CSMD3: variants seen among roughly 807,000 people sequenced by gnomAD.
CSMD3 encodes the protein CUB and sushi domain-containing protein 3.
In CSMD3, 177 loss-of-function variants were observed where a neutral mutation model predicts 435.2. The observed-to-expected ratio is 0.41, with a 90% CI of 0.36 to 0.46. CSMD3 has a LOEUF of 0.46. CSMD3 is among the 20% of genes least tolerant of loss of function. The pLI, the probability that CSMD3 is intolerant of heterozygous loss-of-function variation, is 0.34. For synonymous variants in CSMD3, 1,656 were observed against 1,520.5 expected (o/e 1.09, Z -2.07); for missense variants, 4,265 against 4,504.6 (o/e 0.95, Z 1.52).
chr8:112,265,246 T>C (rs1197200733), intron 60 of CSMD3, among the ~76,000 whole-genome samples, 165 bp downstream of exon 60: 1 of 151,894 alleles, frequency 6.6e-6, no homozygotes, highest in African/African-American at 2.4e-5. Flanking sequence ...TTAAATTCTA[T>C]ATATTAAAAT....
chr8:112,261,335 A>C (rs1229332377), intron 61 of CSMD3, among the ~76,000 whole-genome samples: 4 of 152,126 alleles, frequency 2.6e-5, no homozygotes, highest in Non-Finnish European at 5.9e-5. Flanking sequence ...AAATTATAAA[A>C]TGACTATCCA....
chr8:113,279,859 T>C (rs1481149401), intron 2 of CSMD3, among the ~76,000 whole-genome samples: 1 of 151,766 alleles, frequency 6.6e-6, no homozygotes, highest in Admixed American at 6.6e-5. Context: ...TTATTAAACA[T>C]CTTTTTCTCC....
At chr8:112,604,223 G>T (rs1381744790) in intron 22 of CSMD3, among the ~76,000 whole-genome samples, 1 of 152,136 alleles carries the variant, frequency 6.6e-6, no homozygotes, top group Non-Finnish European at 1.5e-5. Flanking sequence ...AGAACTGTTT[G>T]CAGTAGAGTT....
At chr8:112,297,121 T>C (rs1324808423) in intron 53 of CSMD3, among the ~76,000 whole-genome samples, 1 of 151,186 alleles carries the variant, frequency 6.6e-6, no homozygotes, top group Non-Finnish European at 1.5e-5. Flanking sequence ...ATTTTTTTTT[T>C]TGGCTGGGAA....
At chr8:113,258,631 A>G (rs557924054) in intron 3 of CSMD3, among the ~76,000 whole-genome samples, 6 of 152,210 alleles carry the variant, frequency 3.9e-5, no homozygotes, top group African/African-American at 9.6e-5. Flanking sequence ...TTGGACTGGG[A>G]AGAAAAAGTT....
intron 61 of CSMD3, among the ~76,000 whole-genome samples, chr8:112,257,136 A>T (rs939658579): frequency 2.6e-5 from 4 of 152,150 alleles, no homozygotes; most frequent in African/African-American, 9.7e-5. Context: ...TTTATAACAA[A>T]CCCACAGCCA....
chr8:113,077,380 T>G (rs903063545), intron 5 of CSMD3, among the ~76,000 whole-genome samples: 4 of 151,704 alleles, frequency 2.6e-5, no homozygotes, highest in Non-Finnish European at 5.9e-5. Flanking sequence ...AAAACAGTTA[T>G]AAAAAAACCA....
chr8:112,815,591 GC>G (rs1169669074), intron 12 of CSMD3, among the ~76,000 whole-genome samples: 3 of 151,980 alleles, frequency 2.0e-5, no homozygotes, highest in African/African-American at 7.2e-5. Flanking sequence ...TTCTTCTACA[GC>G]CACCTTTGAA....
intron 4 of CSMD3, among the ~76,000 whole-genome samples, chr8:113,139,495 T>C (rs780660011): frequency 6.6e-6 from 1 of 150,934 alleles, no homozygotes; most frequent in African/African-American, 2.4e-5. Flanking sequence ...ATATATAATA[T>C]ATGTTTTTAT....
intron 32 of CSMD3, among the ~76,000 whole-genome samples, chr8:112,440,681 A>G (rs571544251): frequency 2.4e-4 from 37 of 152,278 alleles, no homozygotes; most frequent in Non-Finnish European, 4.1e-4. Context: ...CCAAACCTCA[A>G]TTCTTGATTT....
chr8:112,833,320 T>A (rs115818957), intron 11 of CSMD3, among the ~76,000 whole-genome samples: 1,706 of 152,086 alleles, frequency 0.011, 31 homozygotes, highest in African/African-American at 0.038. Context: ...GATCTCTAAA[T>A]ATATTTTAAT....
intron 27 of CSMD3, among the ~76,000 whole-genome samples, chr8:112,531,024 C>T (rs184312664): frequency 5.6e-4 from 85 of 152,086 alleles, no homozygotes; most frequent in African/African-American, 1.8e-3. Context: ...ACATCAGCTG[C>T]GGGGGCCACA....
At chr8:112,271,819 G>T (rs1439655217) in intron 59 of CSMD3, among the ~76,000 whole-genome samples, 1 of 152,018 alleles carries the variant, frequency 6.6e-6, no homozygotes, top group African/African-American at 2.4e-5. Context: ...AAAGAATAAA[G>T]GCTTTGTTTC....
At chr8:112,986,500 G>C (rs528991687) in intron 6 of CSMD3, among the ~76,000 whole-genome samples, 2 of 152,056 alleles carry the variant, frequency 1.3e-5, no homozygotes, top group African/African-American at 2.4e-5. Context: ...CGGAAAGAAG[G>C]CAAGTTGAAT....
chr8:112,685,621 C>T lies in CSMD3; in HGVS notation c.2267G>A (p.Gly756Glu). The T allele has an allele frequency of 1.9e-6, 3 of 1,613,600 alleles. No homozygotes were observed. The highest frequency in any genetic ancestry group is 2.5e-6 in the Non-Finnish European group (3 of 1,179,596). Residue 756 changes from glycine (G) to glutamate (E), a missense_variant, in exon 15 of 71, where the codon GGG (glycine) becomes GAG (glutamate). Physicochemically the swap from Gly to Glu is moderately conservative, Grantham distance 98. Around this residue, in one of 3 missense-constraint regions of CSMD3, gnomAD observed 279 missense variants for 369.0 expected, o/e 0.76. Transcript: ENST00000297405. ...ATTGAAAGAAAGATGTATCCGGCTCCCTGGATCAGAGATTATCGTCCAGAT... is the reference window on the plus strand; with the variant it reads ...ATTGAAAGAAAGATGTATCCGGCTCTCTGGATCAGAGATTATCGTCCAGAT... ...NCIWTIISDP[G>E]SRIHLSFNDF...
chr8:112,947,140 T>C (rs2083637894), intron 9 of CSMD3, among the ~76,000 whole-genome samples: 1 of 151,714 alleles, frequency 6.6e-6, no homozygotes, highest in African/African-American at 2.4e-5. Flanking sequence ...TTTTGTAATC[T>C]TTTGTTTGTA....
intron 3 of CSMD3, among the ~76,000 whole-genome samples, chr8:113,257,180 G>A (rs1010352543): frequency 1.3e-5 from 2 of 152,084 alleles, no homozygotes; most frequent in Admixed American, 6.6e-5. Context: ...AGGCCGAGGC[G>A]GGCGGATCAC....
chr8:113,221,354 TACACAC>T (rs147263614), intron 3 of CSMD3, among the ~76,000 whole-genome samples: 5 of 141,812 alleles, frequency 3.5e-5, no homozygotes, highest in South Asian at 2.3e-4. Flanking sequence ...CAGACACAGT[TACACAC>T]ACACACACAC....
intron 11 of CSMD3, among the ~76,000 whole-genome samples, chr8:112,857,199 A>T (rs2080685826): frequency 6.6e-6 from 1 of 151,678 alleles, no homozygotes; most frequent in Admixed American, 6.6e-5. Flanking sequence ...AAGACATCTT[A>T]AAAAAGTTAA....
Sources: allele counts gnomAD v4.1 joint callset (sites outside exome capture counted in the v4.1 genomes callset), GRCh38; gene constraint gnomAD v4.1.1; regional missense constraint gnomAD v4.1.1; transcripts MANE v1.5; gene names NCBI Gene and HGNC (gene_info 2026-07-23, HGNC 2026-07-21).